ZNF407: variants seen among roughly 807,000 people sequenced by gnomAD.
ZNF407 encodes the protein zinc finger protein 407.
Under a neutral mutation model 131.2 loss-of-function variants are expected in ZNF407, and 17 were observed. That is an observed-to-expected ratio of 0.13 (90% confidence interval 0.09 to 0.19). The LOEUF (loss-of-function observed/expected upper bound fraction) is 0.19. ZNF407 is among the 10% of genes least tolerant of loss of function. The probability of loss-of-function intolerance (pLI) is 1.00; values close to 1 mark genes in which losing one functional copy is unlikely to be tolerated. For synonymous variants in ZNF407, 1,156 were observed against 1,062.0 expected (o/e 1.09, Z -1.72); for missense variants, 2,681 against 2,830.6 (o/e 0.95, Z 1.20).
At chr18:74,745,746 G>T (rs939302958) in intron 3 of ZNF407, among the ~76,000 whole-genome samples, 7 of 152,166 alleles carry the variant, frequency 4.6e-5, no homozygotes, top group Non-Finnish European at 8.8e-5. Flanking sequence ...GTAGCTGAGA[G>T]TCTAGTTTTG....
intron 8 of ZNF407, among the ~76,000 whole-genome samples, chr18:74,969,265 A>C (rs1375215327): frequency 6.6e-6 from 1 of 152,180 alleles, no homozygotes; most frequent in Non-Finnish European, 1.5e-5. Context: ...TGGTGTTAGC[A>C]TCAGATGACT....
At chr18:74,823,193 C>T (rs1970365069) in intron 4 of ZNF407, among the ~76,000 whole-genome samples, 1 of 152,116 alleles carries the variant, frequency 6.6e-6, no homozygotes, top group Admixed American at 6.6e-5. Context: ...GGCTGCCTTA[C>T]AAGAGGTCCT....
At chr18:74,800,053 A>G (rs1568221287) in intron 4 of ZNF407, among the ~76,000 whole-genome samples, 1 of 152,016 alleles carries the variant, frequency 6.6e-6, no homozygotes, top group Admixed American at 6.6e-5. Flanking sequence ...TTGAATAACA[A>G]TAGAATATTT....
intron 4 of ZNF407, among the ~76,000 whole-genome samples, chr18:74,836,364 G>T (rs1352658535): frequency 1.3e-5 from 2 of 152,150 alleles, no homozygotes; most frequent in African/African-American, 4.8e-5. Flanking sequence ...TGGTGTTAGG[G>T]ATGGGCTCTA....
chr18:74,841,138 C>T (rs1403503735), intron 4 of ZNF407, among the ~76,000 whole-genome samples: 1 of 152,240 alleles, frequency 6.6e-6, no homozygotes, highest in Non-Finnish European at 1.5e-5. Flanking sequence ...TGGATTATTG[C>T]TTTGCCAGAT....
intron 4 of ZNF407, among the ~76,000 whole-genome samples, chr18:74,830,500 G>A (rs1260886396): frequency 6.6e-6 from 1 of 152,150 alleles, no homozygotes; most frequent in African/African-American, 2.4e-5. Context: ...CATTGTCCAG[G>A]CAGGTCTTGC....
chr18:74,970,368 A>G (rs962033960), intron 8 of ZNF407, among the ~76,000 whole-genome samples: 3 of 152,212 alleles, frequency 2.0e-5, no homozygotes, highest in African/African-American at 7.2e-5. Flanking sequence ...GCCACAGTCC[A>G]AAGTCTCATC....
intron 4 of ZNF407, among the ~76,000 whole-genome samples, chr18:74,837,430 G>C (rs937424887): frequency 2.0e-5 from 3 of 151,660 alleles, no homozygotes; most frequent in Non-Finnish European, 4.4e-5. Context: ...TACTAGATGT[G>C]AAATAATAAT....
At chr18:74,880,909 C>A in intron 5 of ZNF407, 127 bp from the exon 6 acceptor site, 1 of 805,030 alleles carries the variant, frequency 1.2e-6, no homozygotes, top group Non-Finnish European at 2.1e-6. Context: ...GTGGTAATTT[C>A]ATTCCCATTT....
chr18:74,760,510 C>G (rs926293680), intron 3 of ZNF407, among the ~76,000 whole-genome samples: 1 of 152,130 alleles, frequency 6.6e-6, no homozygotes, highest in Non-Finnish European at 1.5e-5. Flanking sequence ...TTCTCCCTAA[C>G]TGGTTTTATG....
At chr18:74,981,259 G>A (rs964833026) in intron 8 of ZNF407, among the ~76,000 whole-genome samples, 3 of 152,320 alleles carry the variant, frequency 2.0e-5, no homozygotes, top group East Asian at 1.9e-4. Flanking sequence ...GGCGGGGCAC[G>A]GGCAGCGGTT....
At chr18:74,754,576 A>G (rs571078047) in intron 3 of ZNF407, among the ~76,000 whole-genome samples, 135 of 152,286 alleles carry the variant, frequency 8.9e-4, no homozygotes, top group Non-Finnish European at 1.6e-3. Flanking sequence ...TTCAAAGAAC[A>G]TCTTTATTTC....
intron 7 of ZNF407, among the ~76,000 whole-genome samples, chr18:74,895,231 T>TTTTTTTTG (rs1568259196): frequency 6.6e-6 from 1 of 151,386 alleles, no homozygotes; most frequent in Non-Finnish European, 1.5e-5. Context: ...TTTCTTTTTT[T>TTTTTTTTG]GGTGAGGGGA....
At chr18:75,023,430 T>C (rs894768902) in intron 8 of ZNF407, among the ~76,000 whole-genome samples, 78 of 152,276 alleles carry the variant, frequency 5.1e-4, no homozygotes, top group African/African-American at 1.8e-3. Context: ...TTATAATTAA[T>C]AGTATGTATA....
chr18:75,010,240 A>G (rs566421835), intron 8 of ZNF407, among the ~76,000 whole-genome samples: 1 of 152,188 alleles, frequency 6.6e-6, no homozygotes, highest in African/African-American at 2.4e-5. Flanking sequence ...ATTTCATCTC[A>G]TGAGATTTGC....
At chr18:74,853,554 G>A (rs1970818785) in intron 4 of ZNF407, among the ~76,000 whole-genome samples, 1 of 152,136 alleles carries the variant, frequency 6.6e-6, no homozygotes, top group South Asian at 2.1e-4. Flanking sequence ...TTTTCATAAA[G>A]TTTTAAAGAA....
chr18:74,857,831 C>T (rs1970880583), intron 4 of ZNF407, among the ~76,000 whole-genome samples: 1 of 151,738 alleles, frequency 6.6e-6, no homozygotes, highest in Admixed American at 6.6e-5. Flanking sequence ...CTTATGATAT[C>T]TCTTTGTGGT....
At chr18:74,861,368 A>G (rs17055773) in intron 4 of ZNF407, among the ~76,000 whole-genome samples, 20,385 of 152,204 alleles carry the variant, frequency 0.13, 1,452 homozygotes, top group Middle Eastern at 0.27. Flanking sequence ...GCTTCTAGTC[A>G]CTGTAATAAT....
Position 74,633,428 on chromosome 18 carries a change from G to C in ZNF407, c.2409G>C (p.Val803=), listed in dbSNP as rs1156281963. 4 of 1,614,014 alleles carry C rather than the reference G, an allele frequency of 2.5e-6. No homozygotes were observed. In the Admixed American group the frequency reaches 6.7e-5, roughly 27 times the overall value. Residue 803 remains valine, a synonymous_variant, in exon 2 of 9, where the codon GTG becomes GTC. Transcript: ENST00000299687. ...GNGRIEGHIG[V]QLQEHSYLEK... is the part of the protein sequence containing the mutation. The stretch of plus-strand genomic sequence containing the variant: ...GAAGGATTGAAGGCCATATAGGTGT[G>C]CAATTACAAGAGCATTCCTATCTTG...
Sources: gnomAD v4.1 joint callset for allele counts (sites outside exome capture counted in the v4.1 genomes callset) on GRCh38, gnomAD v4.1.1 for gene constraint, MANE v1.5 for transcripts, NCBI Gene and HGNC (gene_info 2026-07-23, HGNC 2026-07-21) for gene names.